The following CERKL variants were observed in gnomAD, a reference collection of about 807,000 sequenced individuals.
CERKL encodes the protein CERK like autophagy regulator, also known as ceramide kinase-like protein.
In CERKL, 61 loss-of-function variants were observed where a neutral mutation model predicts 63.4. The observed-to-expected ratio is 0.96, with a 90% confidence interval of 0.78 to 1.19. The LOEUF (loss-of-function observed/expected upper bound fraction) is 1.19. CERKL is among the 50% of genes most tolerant of loss of function. CERKL has a pLI of 0.00. For synonymous variants in CERKL, 250 were observed against 230.5 expected, an observed-to-expected ratio of 1.08 and a Z score of -0.77; for missense variants, 675 against 655.5, an observed-to-expected ratio of 1.03 and a Z score of -0.33.
chr2:181,555,454 T>A (rs1688162551), intron 5 of CERKL, among the ~76,000 whole-genome samples: 1 of 152,194 alleles, frequency 6.6e-6, no homozygotes, highest in South Asian at 2.1e-4. Context: ...TTTTCCTATA[T>A]ACTCTAGAAT....
intron 6 of CERKL, 115 bp downstream of exon 6, chr2:181,549,519 A>G: frequency 3.7e-6 from 3 of 821,088 alleles, no homozygotes; most frequent in Non-Finnish European, 6.3e-6. Flanking sequence ...ACATTTCTCT[A>G]CTCTAAGAGA....
chr2:181,616,346 T>C (rs921103796), intron 1 of CERKL, among the ~76,000 whole-genome samples: 6 of 151,372 alleles, frequency 4.0e-5, no homozygotes, highest in African/African-American at 1.5e-4. Flanking sequence ...CCCAAGTAGC[T>C]AGGACCACAG....
At chr2:181,542,201 T>C (rs1024544630) in intron 11 of CERKL, among the ~76,000 whole-genome samples, 4 of 152,132 alleles carry the variant, frequency 2.6e-5, no homozygotes, top group Non-Finnish European at 5.9e-5. Context: ...TGCAAGGACT[T>C]TGAAGGGTAG....
chr2:181,548,150 A>C (rs1444303847), intron 8 of CERKL: 2 of 548,096 alleles, frequency 3.6e-6, no homozygotes, highest in Non-Finnish European at 6.4e-6. Context: ...AATTATCACG[A>C]GGGACAAAAC....
chr2:181,581,342 G>T (rs1684501673), intron 2 of CERKL, among the ~76,000 whole-genome samples: 1 of 152,138 alleles, frequency 6.6e-6, no homozygotes, highest in Non-Finnish European at 1.5e-5. Context: ...TGAAGTAAAA[G>T]ACAACACTTC....
chr2:181,572,094 C>CT (rs1259928079), intron 3 of CERKL, among the ~76,000 whole-genome samples: 1 of 152,124 alleles, frequency 6.6e-6, no homozygotes, highest in African/African-American at 2.4e-5. Flanking sequence ...CATGGACTCT[C>CT]TCACATACAC....
chr2:181,617,760 C>T (rs1290185906), intron 1 of CERKL, among the ~76,000 whole-genome samples: 1 of 152,124 alleles, frequency 6.6e-6, no homozygotes, highest in Non-Finnish European at 1.5e-5. Flanking sequence ...TAGCAAACTA[C>T]AATTAAATAG....
chr2:181,577,766 C>T (rs1470858864), intron 2 of CERKL, among the ~76,000 whole-genome samples: 1 of 152,012 alleles, frequency 6.6e-6, no homozygotes, highest in Non-Finnish European at 1.5e-5. Flanking sequence ...TTGTTTGCAG[C>T]AGTTATGGTT....
In CERKL at chr2:181,536,726, T is replaced by TTTTAAATGACTTTCTGGATTTTAAA. The variant is rs1199492942; in HGVS notation, c.*1433_*1457dup. 1 of 247,738 alleles carries TTTTAAATGACTTTCTGGATTTTAAA rather than the reference T, an allele frequency of 4.0e-6. No individual in the cohort carries two copies. The highest frequency in any genetic ancestry group is 2.3e-5 in the African/African-American group (1 of 43,542). 15.3% of individuals were successfully genotyped at this position (247,738 alleles called of 1,614,324 possible). ...TTTGTTCATACTATATGAGGTTCTA[T>TTTTAAATGACTTTCTGGATTTTAAA]TTTAAATGACTTTCTGGATTTTAAA... On this transcript the variant is annotated 3_prime_UTR_variant, in exon 13 of 13. Transcript: ENST00000410087.
intron 1 of CERKL, among the ~76,000 whole-genome samples, chr2:181,604,397 T>C (rs1055529335): frequency 3.3e-5 from 5 of 152,168 alleles, no homozygotes; most frequent in African/African-American, 1.2e-4. Context: ...AAAAAATTCA[T>C]CATTTGTAAT....
chr2:181,537,854 G>C lies in CERKL; in HGVS notation c.*330C>G, dbSNP rs115260661. Reference sequence around the variant, plus strand: ...AACATCAATTTCTATTAGGATATCCGTTTGGCCACACAGCAGGAGGTTAGA... The same window carrying C: ...AACATCAATTTCTATTAGGATATCCCTTTGGCCACACAGCAGGAGGTTAGA... On this transcript the variant is annotated 3_prime_UTR_variant, in exon 13 of 13. Coordinates refer to ENST00000410087, the MANE Select transcript of CERKL (RefSeq NM_201548.5). 1 of 508,674 alleles carries C rather than the reference G, an allele frequency of 2.0e-6. No homozygotes were observed. Among genetic ancestry groups the C allele is most frequent in the Non-Finnish European group, 3.8e-6 (1 of 263,110 alleles). 31.5% of individuals were successfully genotyped at this position (508,674 alleles called of 1,614,324 possible).
rs773055159 is a variant in CERKL, at chr2:181,573,765, T to A, written c.601A>T (p.Thr201Ser). 6.2e-7 allele frequency: 1 copy of A among 1,612,246 alleles called. No individual in the cohort carries two copies. The highest frequency in any genetic ancestry group is 1.1e-5 in the South Asian group (1 of 90,966). Residue 201 changes from threonine to serine, a missense_variant, in exon 3 of 13, where the codon ACT (threonine) becomes TCT (serine). Thr to Ser is a moderately conservative substitution (Grantham distance 58, BLOSUM62 1). Coordinates refer to ENST00000410087, the MANE Select transcript of CERKL (RefSeq NM_201548.5). ...EPLLKLAGIK[T>S]DVTIMEYEGH... ...GAAAATTACTTACTTGTTACATCAGTTTTTATTCCTGCAAGCTTCAACAGA... is the reference window on the plus strand; with the variant it reads ...GAAAATTACTTACTTGTTACATCAGATTTTATTCCTGCAAGCTTCAACAGA...
intron 3 of CERKL, among the ~76,000 whole-genome samples, chr2:181,571,126 C>CT (rs1383602718): frequency 1.3e-5 from 2 of 151,994 alleles, no homozygotes; most frequent in Non-Finnish European, 2.9e-5. Context: ...GTAAGATAGG[C>CT]AGGAAGACTA....
At chr2:181,626,066 A>G (rs1686690512) in intron 1 of CERKL, among the ~76,000 whole-genome samples, 1 of 152,158 alleles carries the variant, frequency 6.6e-6, no homozygotes, top group South Asian at 2.1e-4. Flanking sequence ...TAGAGTTTAA[A>G]TAGCTTGCCC....
intron 4 of CERKL, among the ~76,000 whole-genome samples, chr2:181,562,334 T>C (rs1264939462): frequency 6.6e-6 from 1 of 152,152 alleles, no homozygotes; most frequent in Non-Finnish European, 1.5e-5. Flanking sequence ...AACTTCTGTA[T>C]CCCCAAAATG....
At chr2:181,642,956 G>A (rs1306905149) in intron 1 of CERKL, among the ~76,000 whole-genome samples, 3 of 152,054 alleles carry the variant, frequency 2.0e-5, no homozygotes, top group Non-Finnish European at 4.4e-5. Context: ...ACACCAAAGC[G>A]ATTGCCCACC....
At chr2:181,541,481 T>C (rs908212465) in intron 11 of CERKL, among the ~76,000 whole-genome samples, 1 of 151,878 alleles carries the variant, frequency 6.6e-6, no homozygotes, top group Non-Finnish European at 1.5e-5. Flanking sequence ...AGAGGTGGGG[T>C]TGCAACACAG....
At chr2:181,570,223 A>G (rs1019371291) in intron 3 of CERKL, among the ~76,000 whole-genome samples, 1 of 152,174 alleles carries the variant, frequency 6.6e-6, no homozygotes, top group Non-Finnish European at 1.5e-5. Context: ...ATTGTCCAGT[A>G]ACAACGTACT....
intron 1 of CERKL, among the ~76,000 whole-genome samples, chr2:181,608,560 A>C (rs533111017): frequency 6.6e-6 from 1 of 152,330 alleles, no homozygotes; most frequent in African/African-American, 2.4e-5. Context: ...TTTACTTAAC[A>C]ACTCAATGAC....
Sources: allele counts gnomAD v4.1 joint callset (sites outside exome capture counted in the v4.1 genomes callset), GRCh38; gene constraint gnomAD v4.1.1; transcripts MANE v1.5; gene names NCBI Gene and HGNC (gene_info 2026-07-23, HGNC 2026-07-21).